The following MAD1L1 variants were observed in gnomAD, a reference collection of about 807,000 sequenced individuals.
MAD1L1 encodes mitotic arrest deficient 1 like 1.
MAD1L1 carries 95 observed loss-of-function variants against 96.9 expected under a neutral mutation model. The observed-to-expected ratio is 0.98, with a 90% CI of 0.83 to 1.16. MAD1L1 has a LOEUF of 1.16. Ranked by LOEUF, MAD1L1 falls within the 50% of genes most tolerant of loss-of-function variation. The pLI is 0.00. For missense variants in MAD1L1, 1,007 were observed against 954.4 expected, an observed-to-expected ratio of 1.06 and a Z score of -0.73; for synonymous variants, 473 against 396.6, an observed-to-expected ratio of 1.19 and a Z score of -2.29.
intron 12 of MAD1L1, among the ~76,000 whole-genome samples, chr7:2,042,858 C>T (rs1783748427): frequency 1.3e-5 from 2 of 151,308 alleles, no homozygotes; most frequent in Middle Eastern, 3.4e-3. Context: ...ACTAATACAC[C>T]TGAGGAGCCT....
intron 15 of MAD1L1, among the ~76,000 whole-genome samples, chr7:1,964,107 G>A (rs924634519): frequency 2.6e-5 from 4 of 152,298 alleles, no homozygotes; most frequent in African/African-American, 4.8e-5. Context: ...GGGCCTGGCC[G>A]AGGGCCCAGG....
intron 13 of MAD1L1, among the ~76,000 whole-genome samples, chr7:2,005,531 G>C (rs1452067961): frequency 2.6e-5 from 4 of 152,164 alleles, no homozygotes; most frequent in Non-Finnish European, 5.9e-5. Context: ...TCCAGGCACC[G>C]TGCTCATGCC....
intron 10 of MAD1L1, among the ~76,000 whole-genome samples, chr7:2,167,421 C>T (rs1448735977): frequency 6.6e-6 from 1 of 151,874 alleles, no homozygotes; most frequent in East Asian, 1.9e-4. Flanking sequence ...TGGTGGCGGG[C>T]GCCTGTAGTC....
In MAD1L1 at chr7:2,114,395, G is replaced by A. The variant is rs530016053; in HGVS notation, c.1073+34757C>T. Among the ~76,000 whole-genome samples, 1 of 152,328 alleles carries A rather than the reference G, an allele frequency of 6.6e-6. No individual in the cohort carries two copies. Among genetic ancestry groups the A allele is most frequent in the Admixed American group, 6.5e-5 (1 of 15,306 alleles). On this transcript the variant is annotated intron_variant, in intron 11 of 18. Transcript: ENST00000265854. This position sits in a 1 kb window ranked among gnomAD's most constrained non-coding sequence, Gnocchi z 4.2. ...CACCCTGCAGCACCGCCCAGCCGGGGCCAACACCAGAGGACGCCATCCTCC... is the reference window on the plus strand; with the variant it reads ...CACCCTGCAGCACCGCCCAGCCGGGACCAACACCAGAGGACGCCATCCTCC...
intron 18 of MAD1L1, among the ~76,000 whole-genome samples, chr7:1,823,845 G>A (rs1782250987): frequency 6.6e-6 from 1 of 152,154 alleles, no homozygotes; most frequent in Non-Finnish European, 1.5e-5. Flanking sequence ...GGATCTGCAA[G>A]CGCCACGCAC....
At chr7:2,173,155 AGTT>A (rs1790789562) in intron 10 of MAD1L1, among the ~76,000 whole-genome samples, 1 of 152,160 alleles carries the variant, frequency 6.6e-6, no homozygotes, top group Non-Finnish European at 1.5e-5. Context: ...AAACACTCTA[AGTT>A]ATTTGAGTCA....
intron 12 of MAD1L1, among the ~76,000 whole-genome samples, chr7:2,040,717 T>C (rs893847224): frequency 1.3e-5 from 2 of 152,192 alleles, no homozygotes; most frequent in Non-Finnish European, 2.9e-5. Flanking sequence ...CCTGGGCAGC[T>C]CCCCGCCAGG....
rs1333876935 is a variant in MAD1L1, at chr7:2,088,533, A to C, written c.1074-19195T>G. Among the ~76,000 whole-genome samples, 1 of 152,156 alleles carries C rather than the reference A, an allele frequency of 6.6e-6. No homozygotes were observed. The highest frequency in any genetic ancestry group is 2.4e-5 in the African/African-American group (1 of 41,438). On this transcript the variant is annotated intron_variant, in intron 11 of 18. Coordinates refer to ENST00000265854, the MANE Select transcript of MAD1L1 (RefSeq NM_001013836.2). This position sits in a 1 kb window ranked among gnomAD's most constrained non-coding sequence, Gnocchi z 4.4. The stretch of plus-strand genomic sequence containing the variant: ...CCACCATGACAGCTCTGGAGCTGCC[A>C]CTGCACGTGCACATCCATCTCCCTG...
chr7:2,014,363 C>T, intron 13 of MAD1L1, 139 bp downstream of exon 13: 1 of 1,135,288 alleles, frequency 8.8e-7, no homozygotes, highest in Non-Finnish European at 1.2e-6. Flanking sequence ...CCCGTGGACA[C>T]CCTCCCTGAC....
At chr7:2,130,631 CA>C (rs11288820) in intron 11 of MAD1L1, among the ~76,000 whole-genome samples, 19,140 of 152,158 alleles carry the variant, frequency 0.13, 2,423 homozygotes, top group African/African-American at 0.33. Context: ...TTTATTATGC[CA>C]GGGGGAAAAA....
intron 4 of MAD1L1, among the ~76,000 whole-genome samples, chr7:2,223,308 C>G (rs920430073): frequency 6.6e-6 from 1 of 152,204 alleles, no homozygotes; most frequent in African/African-American, 2.4e-5. Flanking sequence ...ACCCACCCCC[C>G]ACGACTGGCC....
intron 10 of MAD1L1, among the ~76,000 whole-genome samples, chr7:2,175,950 T>C (rs1319529425): frequency 6.6e-6 from 1 of 152,132 alleles, no homozygotes; most frequent in Non-Finnish European, 1.5e-5. Flanking sequence ...TCTGAAGATA[T>C]TAAGAGAGAA....
At chr7:1,827,663 GC>G (rs1670390712) in intron 18 of MAD1L1, among the ~76,000 whole-genome samples, 1 of 74,438 alleles carries the variant, frequency 1.3e-5, no homozygotes, top group Non-Finnish European at 2.9e-5. Flanking sequence ...CCTGAGCCCG[GC>G]CCGGGTGTGG....
At chr7:1,843,817 G>A (rs1483994331) in intron 18 of MAD1L1, among the ~76,000 whole-genome samples, 2 of 152,216 alleles carry the variant, frequency 1.3e-5, no homozygotes, top group African/African-American at 2.4e-5. Flanking sequence ...CCCAGACAGC[G>A]TGGGCAATGC....
chr7:1,981,794 A>C (rs1348034045), intron 14 of MAD1L1, among the ~76,000 whole-genome samples: 1 of 152,208 alleles, frequency 6.6e-6, no homozygotes, highest in Non-Finnish European at 1.5e-5. Flanking sequence ...GAAAAAAGGC[A>C]CTGGGGCAGG....
rs1218476081 is a variant in MAD1L1 at position 2,149,182 on chromosome 7, A to C, written c.1043T>G (p.Leu348Trp). Residue 348 changes from leucine (L) to tryptophan (W), a missense_variant, in exon 11 of 19, where the codon TTG becomes TGG. Physicochemically the swap from Leu to Trp is moderately conservative, Grantham distance 61. Transcript: ENST00000265854. ...VVELQQRELA[L>W]KDKNSAVTSS... ...GGTGACGGCGCTGTTCTTGTCCTTCAAGGCAAGCTCCCTCTGCTGCAGCTC... is the reference window on the plus strand; with the variant it reads ...GGTGACGGCGCTGTTCTTGTCCTTCCAGGCAAGCTCCCTCTGCTGCAGCTC... 2 of 1,614,108 alleles carry C rather than the reference A, an allele frequency of 1.2e-6. No individual in the cohort carries two copies. The highest frequency in any genetic ancestry group is 3.3e-5 in the Admixed American group (2 of 60,018).
chr7:2,149,111 G>T, intron 11 of MAD1L1, 41 bp downstream of exon 11: 1 of 1,588,196 alleles, frequency 6.3e-7, no homozygotes, highest in Non-Finnish European at 8.6e-7. Context: ...ACTCTCCAAA[G>T]CAAACGCATC....
intron 15 of MAD1L1, among the ~76,000 whole-genome samples, chr7:1,960,532 TTTCAGAGC>T (rs1246502725): frequency 1.3e-5 from 2 of 152,150 alleles, no homozygotes; most frequent in African/African-American, 4.8e-5. Context: ...AAATAGTAAA[TTTCAGAGC>T]ACATATTATT....
chr7:2,163,043 T>C (rs1004389825), intron 10 of MAD1L1, among the ~76,000 whole-genome samples: 5 of 152,244 alleles, frequency 3.3e-5, no homozygotes, highest in Admixed American at 3.3e-4. Context: ...CCTTTGGGAC[T>C]TTCCAAAGCA....
Sources: allele counts gnomAD v4.1 joint callset (sites outside exome capture counted in the v4.1 genomes callset), GRCh38; gene constraint gnomAD v4.1.1; non-coding constraint Gnocchi (gnomAD v3.1); transcripts MANE v1.5; gene names NCBI Gene and HGNC (gene_info 2026-07-23, HGNC 2026-07-21).